Variants in PITPNC1 observed in about 807,000 individuals in gnomAD.
PITPNC1 encodes the protein cytoplasmic phosphatidylinositol transfer protein 1.
Under a neutral mutation model 44.7 loss-of-function variants are expected in PITPNC1, and 18 were observed. The observed-to-expected ratio is 0.40, with a 90% CI of 0.28 to 0.60. The LOEUF is 0.60. Ranked by LOEUF, PITPNC1 falls within the 20% of genes least tolerant of loss-of-function variation. The probability of loss-of-function intolerance (pLI) is 0.39; values close to 1 mark genes in which losing one functional copy is unlikely to be tolerated. For synonymous variants in PITPNC1, 141 were observed against 149.6 expected (o/e 0.94, Z 0.42); for missense variants, 290 against 418.4 (o/e 0.69, Z 2.68).
At chr17:67,614,774 G>C (rs1598888868) in intron 5 of PITPNC1, among the ~76,000 whole-genome samples, 1 of 151,976 alleles carries the variant, frequency 6.6e-6, no homozygotes, top group African/African-American at 2.4e-5. Flanking sequence ...GACTTTGGGA[G>C]GTTGAGGCAG....
intron 1 of PITPNC1, among the ~76,000 whole-genome samples, chr17:67,401,361 T>A (rs1238398910): frequency 3.3e-5 from 5 of 152,236 alleles, no homozygotes; most frequent in African/African-American, 1.2e-4. Context: ...TTGGGCTTAA[T>A]ACCAGCCATC....
intron 8 of PITPNC1, among the ~76,000 whole-genome samples, chr17:67,688,541 C>A (rs572705121): frequency 6.6e-6 from 1 of 151,892 alleles, no homozygotes; most frequent in South Asian, 2.1e-4. Flanking sequence ...TTGCAAGGGC[C>A]CTAACTCTTC....
Position 67,537,587 on chromosome 17 carries a change from C to T in PITPNC1, c.197+4637C>T, listed in dbSNP as rs115253286. On this transcript the variant is annotated intron_variant, in intron 2 of 8. Coordinates refer to ENST00000581322, the MANE Select transcript of PITPNC1 (RefSeq NM_012417.4). The stretch of plus-strand genomic sequence containing the variant: ...TAGTGAAACATACCATATTCATGGA[C>T]GGGAAATGTTACAAAGTTGGCATCA... Among the ~76,000 whole-genome samples the T allele has an allele frequency of 3.5e-3, 538 of 152,118 alleles. 2 individuals are homozygous for T. The highest frequency in any genetic ancestry group is 0.012 in the African/African-American group (498 of 41,506).
chr17:67,665,603 T>C (rs1207975513), intron 6 of PITPNC1, among the ~76,000 whole-genome samples: 1 of 152,224 alleles, frequency 6.6e-6, no homozygotes, highest in Admixed American at 6.5e-5. Context: ...ATTGTGAACA[T>C]AGAATTTAAC....
intron 5 of PITPNC1, among the ~76,000 whole-genome samples, chr17:67,623,471 C>T (rs994434621): frequency 2.6e-5 from 4 of 152,184 alleles, no homozygotes; most frequent in African/African-American, 9.7e-5. Context: ...TCTCCACCTC[C>T]CGGGTTCAAA....
intron 5 of PITPNC1, among the ~76,000 whole-genome samples, chr17:67,608,910 T>C (rs1342966634): frequency 6.6e-6 from 1 of 152,190 alleles, no homozygotes. Flanking sequence ...CATGATTAGA[T>C]TCAGACTGTG....
intron 1 of PITPNC1, among the ~76,000 whole-genome samples, chr17:67,451,445 A>G (rs539279647): frequency 1.3e-5 from 2 of 152,280 alleles, no homozygotes; most frequent in Admixed American, 6.5e-5. Context: ...CTGTGCAGCC[A>G]TCACCGCAGT....
chr17:67,594,953 G>A (rs973461420), intron 5 of PITPNC1, among the ~76,000 whole-genome samples: 4 of 152,026 alleles, frequency 2.6e-5, no homozygotes, highest in Non-Finnish European at 4.4e-5. Context: ...GTTTTAACAC[G>A]GCCATTGTTT....
intron 1 of PITPNC1, among the ~76,000 whole-genome samples, chr17:67,512,472 G>T (rs1164424321): frequency 2.1e-5 from 3 of 140,020 alleles, no homozygotes; most frequent in East Asian, 4.1e-4. Flanking sequence ...CTGCACTCTA[G>T]CCTGGGCGAC....
At chr17:67,400,992 A>T (rs1479942629) in intron 1 of PITPNC1, among the ~76,000 whole-genome samples, 1 of 151,394 alleles carries the variant, frequency 6.6e-6, no homozygotes, top group Non-Finnish European at 1.5e-5. Context: ...GGTGGTGCCA[A>T]CTCGGCTCAC....
chr17:67,614,923 T>A (rs2041738329), intron 5 of PITPNC1, among the ~76,000 whole-genome samples: 1 of 152,158 alleles, frequency 6.6e-6, no homozygotes, highest in Non-Finnish European at 1.5e-5. Context: ...AGAGCTGGTC[T>A]ATGAAGGCAA....
intron 1 of PITPNC1, among the ~76,000 whole-genome samples, chr17:67,525,963 G>A (rs16960921): frequency 0.013 from 2,013 of 152,298 alleles, 45 homozygotes; most frequent in African/African-American, 0.046. Flanking sequence ...TATGGCGTCC[G>A]CCCATTTTGA....
chr17:67,442,481 C>T (rs2039029895), intron 1 of PITPNC1, among the ~76,000 whole-genome samples: 1 of 151,210 alleles, frequency 6.6e-6, no homozygotes, highest in African/African-American at 2.4e-5. Flanking sequence ...CAAGAACAAG[C>T]ATATCTTTAT....
chr17:67,488,567 T>C (rs2039816440), intron 1 of PITPNC1, among the ~76,000 whole-genome samples: 1 of 152,238 alleles, frequency 6.6e-6, no homozygotes, highest in Admixed American at 6.5e-5. Flanking sequence ...TTGTTCACTT[T>C]TCCAAATGGA....
intron 1 of PITPNC1, among the ~76,000 whole-genome samples, chr17:67,404,639 G>A (rs189969998): frequency 6.6e-6 from 1 of 152,288 alleles, no homozygotes; most frequent in Admixed American, 6.5e-5. Context: ...CTTATAAAAG[G>A]GAGATGAAAG....
intron 1 of PITPNC1, among the ~76,000 whole-genome samples, chr17:67,498,285 A>G (rs2039982471): frequency 6.6e-6 from 1 of 152,146 alleles, no homozygotes; most frequent in Non-Finnish European, 1.5e-5. Context: ...AACTCTTTAT[A>G]TATTAGCAAT....
At chr17:67,530,721 C>T (rs1023097065) in intron 1 of PITPNC1, among the ~76,000 whole-genome samples, 7 of 152,046 alleles carry the variant, frequency 4.6e-5, no homozygotes, top group African/African-American at 1.7e-4. Context: ...TTTTTGAGCC[C>T]CAAGTACAAA....
At chr17:67,671,176 G>A (rs980304033) in intron 7 of PITPNC1, among the ~76,000 whole-genome samples, 6 of 152,164 alleles carry the variant, frequency 3.9e-5, no homozygotes, top group Middle Eastern at 3.4e-3. Context: ...ATGACCCACC[G>A]TGCCCGGCCG....
chr17:67,518,608 A>C (rs918180275), intron 1 of PITPNC1, among the ~76,000 whole-genome samples: 2 of 152,206 alleles, frequency 1.3e-5, no homozygotes, highest in Non-Finnish European at 2.9e-5. Context: ...AACATCCTGT[A>C]ATCATGTCAC....
Sources: allele counts gnomAD v4.1 joint callset (sites outside exome capture counted in the v4.1 genomes callset), GRCh38; gene constraint gnomAD v4.1.1; transcripts MANE v1.5; gene names NCBI Gene and HGNC (gene_info 2026-07-23, HGNC 2026-07-21).